The following SIL1 variants were observed in gnomAD, a reference collection of about 807,000 sequenced individuals.
The protein encoded by SIL1 is nucleotide exchange factor SIL1.
A neutral mutation model predicts 49.1 loss-of-function variants in SIL1; 40 were observed. The observed-to-expected ratio is 0.81, with a 90% CI of 0.63 to 1.06. The LOEUF is 1.06. Among genes scored for constraint, SIL1 ranks in the 50% least tolerant of loss-of-function variants. The pLI is 0.00. For synonymous variants in SIL1, 253 were observed against 250.8 expected (o/e 1.01, Z -0.08); for missense variants, 500 against 572.6 (o/e 0.87, Z 1.29).
chr5:139,135,721 A>C (rs1350404797), intron 1 of SIL1, among the ~76,000 whole-genome samples: 3 of 152,030 alleles, frequency 2.0e-5, no homozygotes, highest in Non-Finnish European at 2.9e-5. Context: ...AAAAAAAAAA[A>C]AAAAAACTGC....
At chr5:139,049,810 A>T (rs1028503612) in intron 4 of SIL1, among the ~76,000 whole-genome samples, 51 of 151,912 alleles carry the variant, frequency 3.4e-4, no homozygotes, top group African/African-American at 1.2e-3. Flanking sequence ...AAAAAAAAAA[A>T]AATCATCATC....
rs77326123 is a variant in SIL1, at chr5:139,157,848, G to A, written c.-10-29995C>T. Among the ~76,000 whole-genome samples, 204 of 152,272 alleles carry A rather than the reference G, an allele frequency of 1.3e-3. 4 individuals carry two copies. In the East Asian group the frequency reaches 0.039, roughly 29 times the overall value. ...GGAAGACTTGGAATTTACTAATGTA[G>A]TACAATAATAGTTAATTCATTAAAG... On this transcript the variant is annotated intron_variant, in intron 1 of 9. Coordinates refer to ENST00000394817, the MANE Select transcript of SIL1 (RefSeq NM_022464.5).
intron 7 of SIL1, among the ~76,000 whole-genome samples, chr5:138,983,625 ATG>A (rs934818373): frequency 6.6e-6 from 1 of 151,974 alleles, no homozygotes; most frequent in African/African-American, 2.4e-5. Flanking sequence ...CGACACACAG[ATG>A]TGTGTCCAAG....
intron 7 of SIL1, among the ~76,000 whole-genome samples, chr5:139,011,683 A>G (rs1307441187): frequency 2.0e-5 from 3 of 152,022 alleles, no homozygotes; most frequent in Non-Finnish European, 4.4e-5. Flanking sequence ...TCTTTCACTC[A>G]TAGTGCCTTA....
intron 6 of SIL1, among the ~76,000 whole-genome samples, chr5:139,024,873 G>C (rs1182657804): frequency 6.6e-6 from 1 of 152,156 alleles, no homozygotes; most frequent in African/African-American, 2.4e-5. Context: ...TCTCTGAGCT[G>C]TATGTACTTC....
chr5:139,127,982 C>A (rs564731260), intron 1 of SIL1, 129 bp from the exon 2 acceptor site: 2 of 696,128 alleles, frequency 2.9e-6, no homozygotes, highest in African/African-American at 3.5e-5. Context: ...AACGAGTCTT[C>A]TACCACTTCT....
chr5:139,030,432 A>C (rs1768760432), intron 5 of SIL1, among the ~76,000 whole-genome samples: 1 of 151,932 alleles, frequency 6.6e-6, no homozygotes, highest in Non-Finnish European at 1.5e-5. Flanking sequence ...AGCCAAGATC[A>C]TACCACTGTA....
chr5:139,172,365 G>A (rs1156553467), intron 1 of SIL1, among the ~76,000 whole-genome samples: 1 of 152,198 alleles, frequency 6.6e-6, no homozygotes, highest in Non-Finnish European at 1.5e-5. Context: ...CAGGCATGAT[G>A]GCTGATGCCT....
chr5:139,161,404 G>T (rs1237087207), intron 1 of SIL1, among the ~76,000 whole-genome samples: 1 of 152,214 alleles, frequency 6.6e-6, no homozygotes, highest in Non-Finnish European at 1.5e-5. Flanking sequence ...AGGTAACCAT[G>T]TGCTTTGAGA....
intron 1 of SIL1, among the ~76,000 whole-genome samples, chr5:139,170,985 T>A (rs1484473736): frequency 7.1e-6 from 1 of 140,920 alleles, no homozygotes; most frequent in Non-Finnish European, 1.5e-5. Flanking sequence ...AGCCGCCCCG[T>A]CCGGGAGGTG....
At chr5:139,038,082 C>G (rs1768958285) in intron 5 of SIL1, among the ~76,000 whole-genome samples, 1 of 152,164 alleles carries the variant, frequency 6.6e-6, no homozygotes, top group South Asian at 2.1e-4. Flanking sequence ...CCTCTTGAGC[C>G]TAACCCTCAT....
chr5:139,027,984 G>A (rs1320979201), intron 5 of SIL1, among the ~76,000 whole-genome samples: 1 of 152,030 alleles, frequency 6.6e-6, no homozygotes, highest in Admixed American at 6.5e-5. Context: ...ACATCCATGG[G>A]GCGCCACATC....
intron 4 of SIL1, among the ~76,000 whole-genome samples, chr5:139,047,228 C>T (rs549269030): frequency 5.9e-5 from 9 of 152,308 alleles, no homozygotes; most frequent in African/African-American, 1.9e-4. Flanking sequence ...AGATGTACTA[C>T]GTTGACAGGG....
At chr5:139,182,343 G>C (rs1296100757) in intron 1 of SIL1, among the ~76,000 whole-genome samples, 1 of 152,212 alleles carries the variant, frequency 6.6e-6, no homozygotes, top group Non-Finnish European at 1.5e-5. Flanking sequence ...GAGGGGGTTT[G>C]AAGAGGTGTT....
intron 7 of SIL1, chr5:139,012,794 C>G (rs1768312787): frequency 6.6e-6 from 1 of 152,056 alleles, no homozygotes; most frequent in Non-Finnish European, 1.5e-5. Flanking sequence ...AAAGTAAGAC[C>G]CTGTCTCTAC....
chr5:139,185,936 G>A (rs1330011704), intron 1 of SIL1, among the ~76,000 whole-genome samples: 2 of 152,210 alleles, frequency 1.3e-5, no homozygotes, highest in Admixed American at 6.6e-5. Flanking sequence ...TTGCCCCTTG[G>A]CTGACCACAT....
intron 3 of SIL1, among the ~76,000 whole-genome samples, chr5:139,063,513 C>T (rs1440648701): frequency 6.6e-6 from 1 of 152,206 alleles, no homozygotes; most frequent in Non-Finnish European, 1.5e-5. Context: ...GGGAGTATAC[C>T]ACAGCATGGC....
chr5:138,993,780 G>T (rs1767805951), intron 7 of SIL1, among the ~76,000 whole-genome samples: 1 of 152,168 alleles, frequency 6.6e-6, no homozygotes, highest in African/African-American at 2.4e-5. Flanking sequence ...CAGTTTAAAA[G>T]GAAATGCTTC....
At chr5:139,118,405 T>C (rs1771044824) in intron 3 of SIL1, among the ~76,000 whole-genome samples, 1 of 152,164 alleles carries the variant, frequency 6.6e-6, no homozygotes, top group African/African-American at 2.4e-5. Context: ...TGTTAGGAAG[T>C]AGGCAGAGGG....
Sources: allele counts gnomAD v4.1 joint callset (sites outside exome capture counted in the v4.1 genomes callset), GRCh38; gene constraint gnomAD v4.1.1; transcripts MANE v1.5; gene names NCBI Gene and HGNC (gene_info 2026-07-23, HGNC 2026-07-21).